B4GALNT3: variants seen among roughly 807,000 people sequenced by gnomAD.
B4GALNT3 encodes beta-1,4-N-acetylgalactosaminyltransferase 3.
B4GALNT3 carries 86 observed loss-of-function variants against 120.2 expected under a neutral mutation model. That is an observed-to-expected ratio of 0.72 (90% confidence interval 0.60 to 0.86). The LOEUF is 0.86. B4GALNT3 is among the 40% of genes least tolerant of loss of function. The pLI is 0.00. For missense variants in B4GALNT3, 1,167 were observed against 1,298.9 expected (o/e 0.90, Z 1.56); for synonymous variants, 518 against 510.4 (o/e 1.01, Z -0.20).
At chr12:495,628 C>T (rs932613970) in intron 1 of B4GALNT3, among the ~76,000 whole-genome samples, 10 of 152,120 alleles carry the variant, frequency 6.6e-5, no homozygotes, top group Non-Finnish European at 1.2e-4. Flanking sequence ...GGGGTGAATG[C>T]GGACCAGACT....
chr12:512,906 CGCT>C (rs1946607803), intron 1 of B4GALNT3, among the ~76,000 whole-genome samples: 1 of 143,258 alleles, frequency 7.0e-6, no homozygotes, highest in African/African-American at 2.6e-5. Context: ...TTCCGCCTTC[CGCT>C]TTCCACCTTC....
At position 553,577 on chromosome 12, in the gene B4GALNT3, G is replaced by A. The variant is rs750727320; in HGVS notation, c.1654G>A (p.Ala552Thr). ...PQMRGPRPRP[A>T]GDSPRKTQWL... is the part of the protein sequence containing the mutation. ...GATGAGGGGGCCCAGGCCCAGGCCC[G>A]CTGGTGACAGCCCCAGGAAGACTCA... Residue 552 changes from alanine (A) to threonine (T), a missense_variant, in exon 14 of 20, where the codon GCT becomes ACT. By Grantham distance (58) the Ala-to-Thr change is moderately conservative. Coordinates refer to ENST00000266383, the MANE Select transcript of B4GALNT3 (RefSeq NM_173593.4). 1.5e-5 allele frequency: 24 copies of A among 1,613,836 alleles called. No individual in the cohort carries two copies. The highest frequency in any genetic ancestry group is 5.0e-5 in the Admixed American group (3 of 60,016).
rs142815102 is a variant in B4GALNT3 at position 553,846 on chromosome 12, G to T, written c.1923G>T (p.Arg641=). Residue 641 remains arginine (R), a synonymous_variant, in exon 14 of 20, where the codon CGG becomes CGT. Transcript: ENST00000266383. ...ACTGGGACCAGACCTTCAGTGCCCGGAATCTCGACTTCCAAGCCCTGAGGA... is the reference window on the plus strand; with the variant it reads ...ACTGGGACCAGACCTTCAGTGCCCGTAATCTCGACTTCCAAGCCCTGAGGA... ...VVNWDQTFSA[R]NLDFQALRTD... The T allele has an allele frequency of 5.0e-6, 8 of 1,614,122 alleles. No individual in the cohort carries two copies. The African/African-American group carries it at 1.1e-4, about 22-fold the overall frequency.
chr12:480,786 G>T (rs1946235632), intron 1 of B4GALNT3, among the ~76,000 whole-genome samples: 1 of 152,186 alleles, frequency 6.6e-6, no homozygotes, highest in Non-Finnish European at 1.5e-5. Flanking sequence ...CATGGACGAT[G>T]GTCCTTAGAC....
chr12:552,333 A>C (rs1947093576), intron 12 of B4GALNT3, 134 bp from the exon 13 acceptor site: 2 of 810,420 alleles, frequency 2.5e-6, no homozygotes, highest in Non-Finnish European at 4.0e-6. Context: ...ACACACACAC[A>C]CACCCGCTCA....
At chr12:542,982 G>T (rs1946936380) in intron 3 of B4GALNT3, 1 of 546,068 alleles carries the variant, frequency 1.8e-6, no homozygotes, top group Non-Finnish European at 3.0e-6. Flanking sequence ...CAGGATCAGG[G>T]ATGGGGAGGG....
intron 1 of B4GALNT3, among the ~76,000 whole-genome samples, chr12:469,146 T>C (rs894051889): frequency 2.6e-5 from 4 of 152,174 alleles, no homozygotes; most frequent in African/African-American, 9.7e-5. Context: ...TGATAATTCC[T>C]GGAAAAACTG....
intron 3 of B4GALNT3, among the ~76,000 whole-genome samples, chr12:538,147 A>G (rs1429257067): frequency 6.6e-6 from 1 of 152,234 alleles, no homozygotes; most frequent in Non-Finnish European, 1.5e-5. Flanking sequence ...TTGAAAGCTT[A>G]TAGCGCCATA....
intron 1 of B4GALNT3, among the ~76,000 whole-genome samples, chr12:497,772 A>C (rs1946401742): frequency 6.6e-6 from 1 of 152,054 alleles, no homozygotes. Context: ...GTCAGGAGGT[A>C]GTCATTTTGT....
At chr12:547,705 G>GAGGT (rs1258755854) in intron 7 of B4GALNT3, among the ~76,000 whole-genome samples, 2 of 152,102 alleles carry the variant, frequency 1.3e-5, no homozygotes, top group African/African-American at 4.8e-5. Flanking sequence ...AGGATTACAT[G>GAGGT]AGGTCACATA....
In B4GALNT3 at chr12:556,704, G is replaced by C. The variant is rs1947160054; in HGVS notation, c.2218G>C (p.Ala740Pro). The change falls in exon 15 of 20, where the codon GCT becomes CCT. Residue 740 changes from alanine (A) to proline (P), a missense_variant. Ala to Pro is a conservative substitution (Grantham distance 27, BLOSUM62 -1). Transcript: ENST00000266383. ...ACGAGGCTGGCAGGGCATCGATCCA[G>C]CTGGTGGGGAGGAGGTCGAGGCCCG... ...SARGWQGIDP[A>P]GGEEVEARNL... 1 of 1,613,826 alleles carries C rather than the reference G, an allele frequency of 6.2e-7. No individual in the cohort carries two copies. Among genetic ancestry groups the C allele is most frequent in the African/African-American group, 1.3e-5 (1 of 74,928 alleles).
intron 18 of B4GALNT3, 105 bp from the exon 19 acceptor site, chr12:559,183 AACCCCAG>A: frequency 7.0e-7 from 1 of 1,432,656 alleles, no homozygotes; most frequent in Non-Finnish European, 9.6e-7. Flanking sequence ...AGCCTCCCTC[AACCCCAG>A]CCTCTGACTT....
Position 517,717 on chromosome 12 carries a change from A to G in B4GALNT3, c.170-17449A>G, listed in dbSNP as rs559623523. On this transcript the variant is annotated intron_variant, in intron 1 of 19. Coordinates refer to ENST00000266383, the MANE Select transcript of B4GALNT3 (RefSeq NM_173593.4). ...CTCAGTGCTCAGTTATGTACTTGTC[A>G]TGTTATCAAACCCATCCTTCCTGCA... Among the ~76,000 whole-genome samples, 8 of 151,976 alleles carry G rather than the reference A, an allele frequency of 5.3e-5. No individual in the cohort carries two copies. In the East Asian group the frequency reaches 1.6e-3, roughly 30 times the overall value.
Position 476,523 on chromosome 12 carries a change from A to C in B4GALNT3, c.169+15978A>C, listed in dbSNP as rs539155962. Reference sequence around the variant, plus strand: ...ATACTTGGGAGGCTGAGGCAGGTGGATCGCTTGAGCATAGGAGTTGGAGGC... The same window carrying C: ...ATACTTGGGAGGCTGAGGCAGGTGGCTCGCTTGAGCATAGGAGTTGGAGGC... On this transcript the variant is annotated intron_variant, in intron 1 of 19. Coordinates refer to ENST00000266383, the MANE Select transcript of B4GALNT3 (RefSeq NM_173593.4). Among the ~76,000 whole-genome samples the C allele has an allele frequency of 3.9e-5, 6 of 152,312 alleles. No individual in the cohort carries two copies. The East Asian group carries it at 1.2e-3, about 29-fold the overall frequency.
At position 561,689 on chromosome 12, in the gene B4GALNT3, T is replaced by G; in HGVS notation, c.*238T>G. 1 of 503,914 alleles carries G rather than the reference T, an allele frequency of 2.0e-6. No individual in the cohort carries two copies. The highest frequency in any genetic ancestry group is 1.9e-5 in the African/African-American group (1 of 51,858). The allele number at this position is 503,914 out of a possible 1,614,324, so 31.2% of individuals were successfully genotyped here. On this transcript the variant is annotated 3_prime_UTR_variant, in exon 20 of 20. Coordinates refer to ENST00000266383, the MANE Select transcript of B4GALNT3 (RefSeq NM_173593.4). ...TGAGAGAGAGGCCAGGAGGGACCAC[T>G]TGCTCAGTCGAGAACGGGAAGAGCT...
chr12:470,047 A>C (rs1432328713), intron 1 of B4GALNT3, among the ~76,000 whole-genome samples: 1 of 152,112 alleles, frequency 6.6e-6, no homozygotes, highest in Non-Finnish European at 1.5e-5. Flanking sequence ...CCTGTAACTA[A>C]TTTCCTGTCC....
intron 1 of B4GALNT3, among the ~76,000 whole-genome samples, chr12:488,075 AC>A (rs1263811394): frequency 2.0e-5 from 3 of 152,108 alleles, no homozygotes; most frequent in Non-Finnish European, 2.9e-5. Flanking sequence ...ATGGTGACTC[AC>A]GTATGTAATC....
chr12:546,018 G>C lies in B4GALNT3; in HGVS notation c.639+549G>C, dbSNP rs189084904. ...GTGGGGAGGTGAGAGGAGTGGGGAAGAGTGAGGAATGGGGAGGAGTGAGGA... is the reference window on the plus strand; with the variant it reads ...GTGGGGAGGTGAGAGGAGTGGGGAACAGTGAGGAATGGGGAGGAGTGAGGA... On this transcript the variant is annotated intron_variant, in intron 6 of 19. Transcript: ENST00000266383. Among the ~76,000 whole-genome samples, 10 of 132,676 alleles carry C rather than the reference G, an allele frequency of 7.5e-5. No homozygotes were observed. The East Asian group carries it at 2.4e-3, about 32-fold the overall frequency. The allele number at this position is 132,676 out of a possible 152,430, so 87.0% of individuals were successfully genotyped here. A position where few individuals can be genotyped will look rare whatever the true frequency, so the allele number is the denominator to read the frequency against.
intron 7 of B4GALNT3, 22 bp downstream of exon 7, chr12:546,735 C>T (rs1469498966): frequency 1.1e-5 from 17 of 1,549,204 alleles, no homozygotes; most frequent in East Asian, 2.4e-5. Context: ...TCAGGACAGG[C>T]GCTGTGGGCG....
Sources: gnomAD v4.1 joint callset for allele counts (sites outside exome capture counted in the v4.1 genomes callset) on GRCh38, gnomAD v4.1.1 for gene constraint, MANE v1.5 for transcripts, NCBI Gene and HGNC (gene_info 2026-07-23, HGNC 2026-07-21) for gene names.